The following NAPEPLD variants were observed in gnomAD, a reference collection of about 807,000 sequenced individuals.
NAPEPLD encodes N-acyl-phosphatidylethanolamine-hydrolyzing phospholipase D.
NAPEPLD carries 23 observed loss-of-function variants against 38.1 expected under a neutral mutation model. That is an observed-to-expected ratio of 0.60 (90% confidence interval 0.43 to 0.86). The LOEUF is 0.86. NAPEPLD is among the 40% of genes least tolerant of loss of function. The pLI is 0.00. For synonymous variants in NAPEPLD, 147 were observed against 162.0 expected (o/e 0.91, Z 0.71); for missense variants, 411 against 476.8 (o/e 0.86, Z 1.28).
chr7:103,135,921 C>G (rs971612132), intron 1 of NAPEPLD, among the ~76,000 whole-genome samples: 9 of 152,204 alleles, frequency 5.9e-5, no homozygotes, highest in Admixed American at 5.9e-4. Context: ...ATTGTAACTC[C>G]TAAACGTTGT....
intron 2 of NAPEPLD, among the ~76,000 whole-genome samples, chr7:103,122,140 C>G (rs1293849731): frequency 6.6e-6 from 1 of 150,712 alleles, no homozygotes; most frequent in Admixed American, 6.6e-5. Context: ...TGGGTTTTAC[C>G]ATGTTGCCCA....
rs183196499 is a variant in NAPEPLD, at chr7:103,129,055, C to T, written c.-16-263G>A. Among the ~76,000 whole-genome samples the T allele has an allele frequency of 2.3e-3, 351 of 152,220 alleles. 1 individual carries two copies. The highest frequency in any genetic ancestry group is 0.02 in the Middle Eastern group (6 of 294). ...CCGAGGCAGACAGATCACCTCAGGT[C>T]GGGAGTTCGAGACCAGCCTGACCAA... On this transcript the variant is annotated intron_variant, in intron 1 of 4. Coordinates refer to ENST00000465647, the MANE Select transcript of NAPEPLD (RefSeq NM_001122838.3).
intron 4 of NAPEPLD, among the ~76,000 whole-genome samples, chr7:103,108,103 C>G (rs1177615252): frequency 6.6e-6 from 1 of 151,418 alleles, no homozygotes; most frequent in East Asian, 1.9e-4. Context: ...CCTACAAGCC[C>G]AGAAGAGAGT....
intron 3 of NAPEPLD, among the ~76,000 whole-genome samples, chr7:103,119,086 G>GA (rs1263900332): frequency 6.6e-6 from 1 of 152,198 alleles, no homozygotes; most frequent in Non-Finnish European, 1.5e-5. Flanking sequence ...TTCTCCATGT[G>GA]AAAGAATAAG....
intron 1 of NAPEPLD, among the ~76,000 whole-genome samples, chr7:103,143,634 A>T (rs1280404691): frequency 3.9e-5 from 6 of 152,170 alleles, no homozygotes. Flanking sequence ...AGGGTGCCAC[A>T]TCCAAGGAAT....
At chr7:103,148,298 C>T (rs780645211) in intron 1 of NAPEPLD, among the ~76,000 whole-genome samples, 11 of 151,798 alleles carry the variant, frequency 7.2e-5, no homozygotes, top group Non-Finnish European at 1.2e-4. Flanking sequence ...TATATAACAA[C>T]GTACAGTAAA....
In NAPEPLD at chr7:103,101,090, A is replaced by T. The variant is rs1802325750; in HGVS notation, c.*2339T>A. The T allele has an allele frequency of 6.6e-6, 1 of 152,202 alleles. No individual in the cohort carries two copies. The highest frequency in any genetic ancestry group is 1.5e-5 in the Non-Finnish European group (1 of 68,066). The allele number at this position is 152,202 out of a possible 1,614,324, so 9.4% of individuals were successfully genotyped here. A position where few individuals can be genotyped will look rare whatever the true frequency, so the allele number is the denominator to read the frequency against. On this transcript the variant is annotated 3_prime_UTR_variant, in exon 5 of 5. Transcript: ENST00000465647. ...GACATACCTGGCTTGCTTCATAGAG[A>T]AGAGGTAAGAGATGGATTTTCAATT... is the stretch of plus-strand genomic sequence containing the variant.
In NAPEPLD at chr7:103,112,577, GGAAC is replaced by G. The variant is rs1309832511; in HGVS notation, c.1056+2479_1056+2482del. 2.6e-5 allele frequency among the ~76,000 whole-genome samples: 4 copies of G among 152,004 alleles called. 1 individual carries two copies. Among genetic ancestry groups the G allele is most frequent in the Admixed American group, 2.6e-4 (4 of 15,254 alleles). On this transcript the variant is annotated intron_variant, in intron 4 of 4. Transcript: ENST00000465647. ...ATGAGAACACATGGACACAGAGAGG[GGAAC>G]ATCACACATTGGGGCCTGTCAGGGG...
chr7:103,149,459 T>A, upstream of NAPEPLD: 1 of 1,265,078 alleles, frequency 7.9e-7, no homozygotes, highest in Non-Finnish European at 1.0e-6. Flanking sequence ...CAGGCAGCGC[T>A]TCAGCTCTCG....
At chr7:103,124,532 T>C (rs1027414152) in intron 2 of NAPEPLD, among the ~76,000 whole-genome samples, 10 of 152,254 alleles carry the variant, frequency 6.6e-5, no homozygotes, top group Non-Finnish European at 1.2e-4. Context: ...TCTTGTTTAC[T>C]TGAGGAAACT....
rs1802209009 is a variant in NAPEPLD, at chr7:103,100,234, ACG to A, written c.*3193_*3194del. On this transcript the variant is annotated 3_prime_UTR_variant, in exon 5 of 5. Coordinates refer to ENST00000465647, the MANE Select transcript of NAPEPLD (RefSeq NM_001122838.3). Reference sequence around the variant, plus strand: ...TCCCCAAAAGGCACATTTCTTTATAACGGTTTTTTCAAATCTACCTCCCTATT... The same window carrying A: ...TCCCCAAAAGGCACATTTCTTTATAAGTTTTTTCAAATCTACCTCCCTATT... 6.6e-6 allele frequency: 1 copy of A among 152,228 alleles called. No individual in the cohort carries two copies. Among genetic ancestry groups the A allele is most frequent in the African/African-American group, 2.4e-5 (1 of 41,466 alleles). The allele number at this position is 152,228 out of a possible 1,614,324, so 9.4% of individuals were successfully genotyped here. A position where few individuals can be genotyped will look rare whatever the true frequency, so the allele number is the denominator to read the frequency against.
chr7:103,118,819 G>A (rs930849131), intron 3 of NAPEPLD, among the ~76,000 whole-genome samples: 5 of 152,176 alleles, frequency 3.3e-5, no homozygotes, highest in African/African-American at 1.2e-4. Context: ...GAGTCTCCTA[G>A]GTGTCCAATG....
intron 1 of NAPEPLD, among the ~76,000 whole-genome samples, chr7:103,134,319 A>T (rs910042567): frequency 6.6e-5 from 10 of 152,340 alleles, no homozygotes; most frequent in Admixed American, 5.9e-4. Context: ...ATTTAAAGGT[A>T]ACAAACCCCT....
intron 2 of NAPEPLD, chr7:103,128,069 A>T (rs1254976078): frequency 5.8e-6 from 1 of 171,538 alleles, no homozygotes; most frequent in Non-Finnish European, 1.2e-5. Context: ...TCCATATTCT[A>T]CACACGTACC....
intron 3 of NAPEPLD, among the ~76,000 whole-genome samples, chr7:103,118,872 T>G (rs1806062260): frequency 1.3e-5 from 2 of 152,216 alleles, no homozygotes; most frequent in African/African-American, 2.4e-5. Flanking sequence ...CAATAGTATG[T>G]CAAGGTTGGA....
intron 1 of NAPEPLD, among the ~76,000 whole-genome samples, chr7:103,140,900 C>CT (rs1439713038): frequency 6.6e-6 from 1 of 152,210 alleles, no homozygotes; most frequent in Non-Finnish European, 1.5e-5. Flanking sequence ...TTTCCCAGAG[C>CT]TTGAAGCTCC....
chr7:103,142,137 G>C (rs1489217258), intron 1 of NAPEPLD, among the ~76,000 whole-genome samples: 1 of 152,208 alleles, frequency 6.6e-6, no homozygotes, highest in Admixed American at 6.5e-5. Context: ...AGTAAGACAA[G>C]CATTTAGGAA....
intron 4 of NAPEPLD, among the ~76,000 whole-genome samples, chr7:103,106,447 G>C (rs1216913240): frequency 6.6e-6 from 1 of 152,086 alleles, no homozygotes; most frequent in Non-Finnish European, 1.5e-5. Flanking sequence ...GAGCCAAGTG[G>C]TCTGGCTCAG....
chr7:103,141,331 C>T, intron 1 of NAPEPLD: 2 of 534,938 alleles, frequency 3.7e-6, no homozygotes, highest in South Asian at 2.9e-5. Context: ...CCAGTATGTA[C>T]ACACAAAGGG....
Sources: allele counts gnomAD v4.1 joint callset (sites outside exome capture counted in the v4.1 genomes callset), GRCh38; gene constraint gnomAD v4.1.1; transcripts MANE v1.5; gene names NCBI Gene and HGNC (gene_info 2026-07-23, HGNC 2026-07-21).